DLG2: variants seen among roughly 807,000 people sequenced by gnomAD.
The protein encoded by DLG2 is discs large MAGUK scaffold protein 2, also known as disks large homolog 2.
In DLG2, 45 loss-of-function variants were observed where a neutral mutation model predicts 132.5. The ratio of observed to expected loss-of-function variants is 0.34; its 90% CI spans 0.27 to 0.44. The LOEUF is 0.44. DLG2 is among the 20% of genes least tolerant of loss of function. DLG2 has a pLI of 1.00. For synonymous variants in DLG2, 424 were observed against 419.6 expected (o/e 1.01, Z -0.13); for missense variants, 1,045 against 1,196.9 (o/e 0.87, Z 1.87).
intron 6 of DLG2, among the ~76,000 whole-genome samples, chr11:84,617,597 A>G (rs1052045534): frequency 6.6e-6 from 1 of 152,130 alleles, no homozygotes; most frequent in African/African-American, 2.4e-5. Flanking sequence ...TTACACGCCC[A>G]CCAAAAATGT....
At chr11:84,258,894 T>C (rs1257754129) in intron 7 of DLG2, among the ~76,000 whole-genome samples, 1 of 152,246 alleles carries the variant, frequency 6.6e-6, no homozygotes, top group African/African-American at 2.4e-5. Context: ...TCTGGGTCCC[T>C]TAATGTCTTG....
chr11:84,006,688 A>G (rs577020235), intron 11 of DLG2, among the ~76,000 whole-genome samples: 1 of 151,726 alleles, frequency 6.6e-6, no homozygotes, highest in East Asian at 1.9e-4. Flanking sequence ...ATGGCAAATT[A>G]TATTCTGTGT....
intron 19 of DLG2, among the ~76,000 whole-genome samples, chr11:83,597,485 T>G (rs1159615153): frequency 6.6e-6 from 1 of 152,130 alleles, no homozygotes; most frequent in Admixed American, 6.5e-5. Context: ...CCCAAAAGTT[T>G]GAGACCAGGG....
intron 24 of DLG2, among the ~76,000 whole-genome samples, chr11:83,470,012 A>C (rs981256895): frequency 6.6e-5 from 10 of 152,166 alleles, no homozygotes; most frequent in African/African-American, 2.4e-4. Context: ...GCAATCTAGC[A>C]ATATGAATAA....
At chr11:85,034,173 G>T (rs960088734) in intron 6 of DLG2, among the ~76,000 whole-genome samples, 3 of 151,558 alleles carry the variant, frequency 2.0e-5, no homozygotes, top group African/African-American at 7.3e-5. Flanking sequence ...CACCTCCCAG[G>T]TTCACGCCAT....
chr11:83,921,059 G>A (rs1270188739), intron 15 of DLG2, among the ~76,000 whole-genome samples: 1 of 152,080 alleles, frequency 6.6e-6, no homozygotes. Context: ...GCCTAGTTAG[G>A]TTCAAATTCT....
At chr11:85,311,241 G>T (rs1452731525) in intron 3 of DLG2, among the ~76,000 whole-genome samples, 2 of 152,116 alleles carry the variant, frequency 1.3e-5, no homozygotes, top group Non-Finnish European at 2.9e-5. Context: ...AATTTATCTA[G>T]CATTTGATGA....
At position 84,753,959 on chromosome 11, in the gene DLG2, C is replaced by T. The variant is rs547524985; in HGVS notation, c.358-219228G>A. On this transcript the variant is annotated intron_variant, in intron 6 of 27. Transcript: ENST00000376104. The stretch of plus-strand genomic sequence containing the variant: ...GTAGAGAAAGATGAGAACTAAGAAC[C>T]GACCAATGCGTTTTGCAAAGTGGAG... Among the ~76,000 whole-genome samples, 3 of 152,208 alleles carry T rather than the reference C, an allele frequency of 2.0e-5. No individual in the cohort carries two copies. In the South Asian group the frequency reaches 6.2e-4, roughly 32 times the overall value.
intron 6 of DLG2, chr11:84,923,362 C>T: frequency 8.5e-7 from 1 of 1,174,608 alleles, no homozygotes; most frequent in Non-Finnish European, 1.1e-6. Flanking sequence ...GATGAGAATT[C>T]AGCGTCTGAA....
intron 6 of DLG2, among the ~76,000 whole-genome samples, chr11:84,570,724 C>A (rs531433261): frequency 1.3e-5 from 2 of 152,296 alleles, no homozygotes; most frequent in Admixed American, 1.3e-4. Flanking sequence ...TTACTCTTTT[C>A]TCTAAGGACA....
intron 8 of DLG2, among the ~76,000 whole-genome samples, chr11:84,219,964 C>T (rs2096891260): frequency 6.6e-6 from 1 of 152,198 alleles, no homozygotes; most frequent in Admixed American, 6.5e-5. Flanking sequence ...AGAAGCAGCA[C>T]AGGCAAAATC....
intron 8 of DLG2, among the ~76,000 whole-genome samples, chr11:84,166,509 A>AG: frequency 6.7e-6 from 1 of 148,650 alleles, no homozygotes. Context: ...TCAAAAAAAA[A>AG]AAAAAAAAAA....
chr11:83,722,239 G>A (rs1049608460), intron 18 of DLG2, among the ~76,000 whole-genome samples: 1 of 152,024 alleles, frequency 6.6e-6, no homozygotes, highest in Non-Finnish European at 1.5e-5. Context: ...GATCATTATG[G>A]TTTCATTCTT....
intron 6 of DLG2, among the ~76,000 whole-genome samples, chr11:85,063,134 G>T (rs1300122832): frequency 6.6e-6 from 1 of 151,976 alleles, no homozygotes; most frequent in East Asian, 1.9e-4. Context: ...TCTCGCAGCT[G>T]TTAGGAGTGT....
At chr11:85,066,662 A>G (rs1299422555) in intron 6 of DLG2, among the ~76,000 whole-genome samples, 1 of 151,802 alleles carries the variant, frequency 6.6e-6, no homozygotes, top group Non-Finnish European at 1.5e-5. Flanking sequence ...AATGTGATTC[A>G]CCACATAAAC....
At chr11:84,015,012 G>C (rs943130134) in intron 11 of DLG2, among the ~76,000 whole-genome samples, 2 of 151,740 alleles carry the variant, frequency 1.3e-5, no homozygotes, top group South Asian at 4.2e-4. Flanking sequence ...CCAAAAAATT[G>C]TTCCCAAAGA....
chr11:83,556,174 A>G (rs2096512874), intron 19 of DLG2, among the ~76,000 whole-genome samples: 1 of 152,170 alleles, frequency 6.6e-6, no homozygotes, highest in Non-Finnish European at 1.5e-5. Flanking sequence ...GTTCCTTGGA[A>G]GAAGAGAAAT....
intron 9 of DLG2, among the ~76,000 whole-genome samples, chr11:84,103,713 C>T (rs923419411): frequency 2.0e-5 from 3 of 151,984 alleles, no homozygotes; most frequent in African/African-American, 4.8e-5. Context: ...AGAGAATCCA[C>T]CAAAAGGAAA....
intron 7 of DLG2, among the ~76,000 whole-genome samples, chr11:84,426,077 T>A (rs1567603359): frequency 6.6e-6 from 1 of 152,110 alleles, no homozygotes; most frequent in Non-Finnish European, 1.5e-5. Context: ...AATATGAATA[T>A]AACCAATAAT....
Sources: allele counts gnomAD v4.1 joint callset (sites outside exome capture counted in the v4.1 genomes callset), GRCh38; gene constraint gnomAD v4.1.1; transcripts MANE v1.5; gene names NCBI Gene and HGNC (gene_info 2026-07-23, HGNC 2026-07-21).